MGST1: variants seen among roughly 807,000 people sequenced by gnomAD.
The protein encoded by MGST1 is microsomal glutathione S-transferase 1, also known as glutathione S-transferase 12.
MGST1 carries 5 observed loss-of-function variants against 8.9 expected under a neutral mutation model. The ratio of observed to expected loss-of-function variants is 0.56; its 90% CI spans 0.29 to 1.19. The LOEUF is 1.19. Among genes scored for constraint, MGST1 ranks in the 50% most tolerant of loss-of-function variants. MGST1 has a pLI of 0.08. For synonymous variants in MGST1, 54 were observed against 67.8 expected, an observed-to-expected ratio of 0.80 and a Z score of 1.00; for missense variants, 182 against 187.4, an observed-to-expected ratio of 0.97 and a Z score of 0.17.
intron 3 of MGST1, among the ~76,000 whole-genome samples, chr12:16,359,650 C>G (rs1181810787): frequency 6.6e-6 from 1 of 152,194 alleles, no homozygotes; most frequent in Admixed American, 6.5e-5. Context: ...TTCAAAACCA[C>G]TGAAGAGACA....
intron 3 of MGST1, among the ~76,000 whole-genome samples, chr12:16,370,827 G>T (rs1293175662): frequency 6.6e-6 from 1 of 152,080 alleles, no homozygotes; most frequent in Non-Finnish European, 1.5e-5. Flanking sequence ...GCAGGTGTTG[G>T]TCTACTCTTT....
intron 1 of MGST1, among the ~76,000 whole-genome samples, chr12:16,408,442 T>C (rs1362892894): frequency 6.6e-6 from 1 of 152,198 alleles, no homozygotes; most frequent in Non-Finnish European, 1.5e-5. Context: ...AGAATTATAA[T>C]GTGATAGTGG....
At chr12:16,428,636 A>G (rs1209169970) in intron 1 of MGST1, among the ~76,000 whole-genome samples, 1 of 152,028 alleles carries the variant, frequency 6.6e-6, no homozygotes, top group African/African-American at 2.4e-5. Context: ...AATATATTTT[A>G]AACTTTATAT....
chr12:16,550,901 A>C (rs1224128106), intron 4 of MGST1: 2 of 216,216 alleles, frequency 9.3e-6, no homozygotes, highest in African/African-American at 4.5e-5. Flanking sequence ...ACTGTATTAC[A>C]TTTGTGCTTC....
chr12:16,526,801 A>C (rs1011735484), intron 4 of MGST1, among the ~76,000 whole-genome samples: 1 of 152,010 alleles, frequency 6.6e-6, no homozygotes, highest in African/African-American at 2.4e-5. Context: ...CCCTGTTTTG[A>C]ATGCCAAAAT....
In MGST1 at chr12:16,475,310, G is replaced by T. The variant is rs186955775; in HGVS notation, n.482+91706G>T. On this transcript the variant is annotated intron_variant and non_coding_transcript_variant, in intron 4 of 4. Transcript: ENST00000538857. Reference sequence around the variant, plus strand: ...GAGTAAGAGAATCAATTAGTTCTCAGTTTGAAACCTCTGGCTTATATATTA... The same window carrying T: ...GAGTAAGAGAATCAATTAGTTCTCATTTTGAAACCTCTGGCTTATATATTA... 3.7e-3 allele frequency among the ~76,000 whole-genome samples: 570 copies of T among 152,254 alleles called. 4 individuals carry two copies. Among genetic ancestry groups the T allele is most frequent in the African/African-American group, 0.013 (534 of 41,534 alleles).
At position 16,493,835 on chromosome 12, in the gene MGST1, CTCTTCTCTGAAACTTTATG is replaced by C. The variant is rs541046121; in HGVS notation, n.483-95690_483-95672del. 3.2e-3 allele frequency among the ~76,000 whole-genome samples: 491 copies of C among 152,266 alleles called. 2 individuals carry two copies. The highest frequency in any genetic ancestry group is 0.012 in the African/African-American group (479 of 41,546). On this transcript the variant is annotated intron_variant and non_coding_transcript_variant, in intron 4 of 4. Transcript: ENST00000538857. ...TAAAATTGTGGAGATATGGATAGGA[CTCTTCTCTGAAACTTTATG>C]TCAGCTTGAACACATTCTATTTAAA...
intron 4 of MGST1, among the ~76,000 whole-genome samples, chr12:16,511,238 G>T (rs1191122480): frequency 6.6e-6 from 1 of 152,206 alleles, no homozygotes; most frequent in Non-Finnish European, 1.5e-5. Context: ...ATAATTAACT[G>T]CCAGCAGCAA....
chr12:16,348,881 C>T (rs1383585107), intron 1 of MGST1: 4 of 151,162 alleles, frequency 2.6e-5, no homozygotes, highest in Admixed American at 6.6e-5. Context: ...ATTTTTCTAC[C>T]GCTTTGTTTT....
chr12:16,357,660 A>C lies in MGST1; in HGVS notation c.182A>C (p.Lys61Thr). 1.2e-6 allele frequency: 2 copies of C among 1,614,020 alleles called. No homozygotes were observed. The highest frequency in any genetic ancestry group is 1.7e-6 in the Non-Finnish European group (2 of 1,179,956). ...VAFGKGENAK[K>T]YLRTDDRVER... Reference sequence around the variant, plus strand: ...TTTGGCAAAGGAGAAAATGCCAAGAAGTATCTTCGAACAGATGACAGAGTA... The same window carrying C: ...TTTGGCAAAGGAGAAAATGCCAAGACGTATCTTCGAACAGATGACAGAGTA... The change falls in exon 3 of 4, where the codon AAG (lysine) becomes ACG (threonine). Residue 61 changes from lysine to threonine, a missense_variant. Coordinates refer to ENST00000396210, the MANE Select transcript of MGST1 (RefSeq NM_020300.5).
At chr12:16,400,523 C>T (rs1049217084) in intron 1 of MGST1, 7 of 844,004 alleles carry the variant, frequency 8.3e-6, no homozygotes, top group African/African-American at 8.3e-5. Context: ...TCTTCAGCTT[C>T]TCAAGTTTTA....
intron 4 of MGST1, among the ~76,000 whole-genome samples, chr12:16,573,173 C>T (rs2137462210): frequency 6.6e-6 from 1 of 151,886 alleles, no homozygotes; most frequent in East Asian, 1.9e-4. Context: ...AATGTCTATT[C>T]ATAAGTGCCC....
At position 16,413,639 on chromosome 12, in the gene MGST1, T is replaced by C. The variant is rs1940760888; in HGVS notation, n.779-23749T>C. ...TCCTTATAGATAGATCTCAATTTTC[T>C]CATTTACCCTTATTTTTTTCCATAC... On this transcript the variant is annotated intron_variant and non_coding_transcript_variant, in intron 1 of 1. Transcript: ENST00000359720. This position sits in a 1 kb window ranked among gnomAD's most constrained non-coding sequence, Gnocchi z 4.0. Among the ~76,000 whole-genome samples the C allele has an allele frequency of 6.6e-6, 1 of 152,208 alleles. No homozygotes were observed. Among genetic ancestry groups the C allele is most frequent in the Non-Finnish European group, 1.5e-5 (1 of 68,040 alleles).
chr12:16,529,580 C>T (rs1342870479), intron 4 of MGST1, among the ~76,000 whole-genome samples: 2 of 152,008 alleles, frequency 1.3e-5, no homozygotes, highest in Non-Finnish European at 2.9e-5. Flanking sequence ...TCACATCTTC[C>T]TTACTGATAT....
At chr12:16,473,935 G>T (rs1056119431) in intron 4 of MGST1, among the ~76,000 whole-genome samples, 1 of 152,130 alleles carries the variant, frequency 6.6e-6, no homozygotes, top group South Asian at 2.1e-4. Context: ...GAATGGAAAG[G>T]CCTCAAGTTA....
chr12:16,531,156 C>CAAAAAAAAAAAAA (rs5796677), intron 4 of MGST1, among the ~76,000 whole-genome samples: 1 of 46,516 alleles, frequency 2.1e-5, no homozygotes, highest in African/African-American at 8.1e-5. Flanking sequence ...TACCCCTGAC[C>CAAAAAAAAAAAAA]AAAAAAAAAA....
At chr12:16,402,961 A>C (rs984721340) in intron 1 of MGST1, among the ~76,000 whole-genome samples, 27 of 141,034 alleles carry the variant, frequency 1.9e-4, no homozygotes, top group Non-Finnish European at 7.8e-5. Flanking sequence ...TTCTCTATAT[A>C]TTTATTATTA....
At chr12:16,373,269 G>T (rs1466276977) in intron 3 of MGST1, among the ~76,000 whole-genome samples, 1 of 151,704 alleles carries the variant, frequency 6.6e-6, no homozygotes, top group African/African-American at 2.4e-5. Flanking sequence ...AGGGATGTGG[G>T]GGATAAAGAG....
intron 1 of MGST1, chr12:16,399,905 G>A: frequency 7.9e-7 from 1 of 1,269,024 alleles, no homozygotes; most frequent in Admixed American, 1.7e-5. Flanking sequence ...AAGTAAATCA[G>A]CTCTACTTCA....
Sources: allele counts gnomAD v4.1 joint callset (sites outside exome capture counted in the v4.1 genomes callset), GRCh38; gene constraint gnomAD v4.1.1; non-coding constraint Gnocchi (gnomAD v3.1); transcripts MANE v1.5; gene names NCBI Gene and HGNC (gene_info 2026-07-23, HGNC 2026-07-21).